The following NCKAP5 variants were observed in gnomAD, a reference collection of about 807,000 sequenced individuals.
NCKAP5 encodes the protein NCK associated protein 5.
Under a neutral mutation model 167.0 loss-of-function variants are expected in NCKAP5, and 92 were observed. The ratio of observed to expected loss-of-function variants is 0.55; its 90% CI spans 0.47 to 0.66. The LOEUF (loss-of-function observed/expected upper bound fraction) is 0.66. Among genes scored for constraint, NCKAP5 ranks in the 30% least tolerant of loss-of-function variants. NCKAP5 has a pLI of 0.00. For missense variants in NCKAP5, 2,378 were observed against 2,315.0 expected (o/e 1.03, Z -0.56); for synonymous variants, 891 against 877.4 (o/e 1.02, Z -0.27).
At chr2:133,022,374 G>A (rs1437993499) in intron 6 of NCKAP5, among the ~76,000 whole-genome samples, 1 of 152,206 alleles carries the variant, frequency 6.6e-6, no homozygotes, top group Admixed American at 6.5e-5. Context: ...CTTGAGAGCA[G>A]GAAATGCCAT....
At chr2:133,106,198 A>C (rs6746258) in intron 6 of NCKAP5, among the ~76,000 whole-genome samples, 6,679 of 120,448 alleles carry the variant, frequency 0.055, 299 homozygotes, top group East Asian at 0.21. Context: ...GAGGCTGAGG[A>C]AGGACAATGG....
intron 5 of NCKAP5, among the ~76,000 whole-genome samples, chr2:133,168,318 G>A (rs866714623): frequency 4.3e-5 from 6 of 140,918 alleles, no homozygotes; most frequent in African/African-American, 1.3e-4. Flanking sequence ...GATGTTGCCT[G>A]AATCTCACTT....
chr2:132,684,828 A>C (rs1685720615), intron 19 of NCKAP5, among the ~76,000 whole-genome samples: 1 of 152,174 alleles, frequency 6.6e-6, no homozygotes, highest in Admixed American at 6.5e-5. Flanking sequence ...GACCAGAGGG[A>C]GAGGGCACTG....
chr2:132,963,637 T>C (rs2076581205), intron 8 of NCKAP5, 83 bp downstream of exon 8: 2 of 1,379,106 alleles, frequency 1.5e-6, no homozygotes, highest in Admixed American at 3.8e-5. Flanking sequence ...GGAAGATTTA[T>C]ACTCACTCAA....
intron 17 of NCKAP5, 123 bp from the exon 18 acceptor site, chr2:132,729,075 G>T: frequency 2.3e-6 from 3 of 1,299,570 alleles, no homozygotes; most frequent in East Asian, 4.6e-5. Context: ...TGAAAGCTGG[G>T]CTTCCTGCCA....
the NCKAP5 span, among the ~76,000 whole-genome samples, chr2:133,658,486 T>C: frequency 6.6e-6 from 1 of 152,096 alleles, no homozygotes; most frequent in Non-Finnish European, 1.5e-5. Flanking sequence ...AATATCAGGG[T>C]GGAAAGATTG....
chr2:132,952,053 A>G (rs2076205043), intron 8 of NCKAP5, among the ~76,000 whole-genome samples: 1 of 152,208 alleles, frequency 6.6e-6, no homozygotes, highest in African/African-American at 2.4e-5. Context: ...TAACTAAGCA[A>G]ACTGAATCCT....
chr2:133,536,049 ATGCATAGCT>A (rs1685741079), intron 2 of NCKAP5, among the ~76,000 whole-genome samples: 1 of 152,144 alleles, frequency 6.6e-6, no homozygotes, highest in African/African-American at 2.4e-5. Context: ...CCTTTGTCAG[ATGCATAGCT>A]TGCAAATATT....
chr2:132,996,295 C>T (rs1015636932), intron 6 of NCKAP5, among the ~76,000 whole-genome samples: 1 of 152,210 alleles, frequency 6.6e-6, no homozygotes, highest in Non-Finnish European at 1.5e-5. Context: ...CCTCTTTATA[C>T]ACATGTGTAT....
intron 3 of NCKAP5, among the ~76,000 whole-genome samples, chr2:133,353,230 C>T (rs1684484668): frequency 6.6e-6 from 1 of 152,162 alleles, no homozygotes; most frequent in African/African-American, 2.4e-5. Flanking sequence ...GCTAGTGTCA[C>T]CAAAAGGCAT....
At chr2:133,348,602 T>C (rs1373602358) in intron 3 of NCKAP5, among the ~76,000 whole-genome samples, 13 of 152,064 alleles carry the variant, frequency 8.5e-5, no homozygotes, top group South Asian at 2.1e-4. Flanking sequence ...ATACTACAAT[T>C]TATATGCTAT....
At chr2:133,612,422 C>G in the NCKAP5 span, among the ~76,000 whole-genome samples, 4 of 152,140 alleles carry the variant, frequency 2.6e-5, no homozygotes, top group Non-Finnish European at 4.4e-5. Context: ...GATTTTCAAT[C>G]TCAAATACAC....
At chr2:132,715,645 C>T (rs879266075) in intron 19 of NCKAP5, among the ~76,000 whole-genome samples, 4 of 152,218 alleles carry the variant, frequency 2.6e-5, no homozygotes, top group East Asian at 1.9e-4. Flanking sequence ...GTAGCAGCCT[C>T]GAATAATCTG....
intron 8 of NCKAP5, among the ~76,000 whole-genome samples, chr2:132,911,775 C>A (rs1694471872): frequency 6.6e-6 from 1 of 152,224 alleles, no homozygotes; most frequent in South Asian, 2.1e-4. Flanking sequence ...ACGGAGAATT[C>A]TCTCTGCAGC....
At chr2:132,724,039 C>T (rs1408153046) in intron 19 of NCKAP5, among the ~76,000 whole-genome samples, 1 of 152,186 alleles carries the variant, frequency 6.6e-6, no homozygotes, top group Non-Finnish European at 1.5e-5. Flanking sequence ...TCCTGCTACT[C>T]CTGGGCTCCA....
intron 16 of NCKAP5, among the ~76,000 whole-genome samples, chr2:132,755,243 C>T (rs1012527816): frequency 6.6e-6 from 1 of 152,202 alleles, no homozygotes; most frequent in African/African-American, 2.4e-5. Context: ...TGAGATATTG[C>T]ATGTGCCTGG....
chr2:133,290,728 C>CT (rs58758295), intron 4 of NCKAP5, among the ~76,000 whole-genome samples: 64,815 of 90,850 alleles, frequency 0.71, 22,087 homozygotes, highest in East Asian at 0.85. Context: ...AGAATTTCTC[C>CT]TTTTTTTTTT....
At chr2:133,457,391 CTT>C (rs1691928361) in intron 3 of NCKAP5, among the ~76,000 whole-genome samples, 1 of 152,252 alleles carries the variant, frequency 6.6e-6, no homozygotes, top group Non-Finnish European at 1.5e-5. Context: ...ACTGAGAACT[CTT>C]TCTCATTTGA....
intron 4 of NCKAP5, among the ~76,000 whole-genome samples, chr2:133,236,736 C>G (rs1265106700): frequency 6.6e-6 from 1 of 152,212 alleles, no homozygotes; most frequent in Non-Finnish European, 1.5e-5. Context: ...TAGAAAGTCA[C>G]AGCCTTTTAT....
Sources: gnomAD v4.1 joint callset for allele counts (sites outside exome capture counted in the v4.1 genomes callset) on GRCh38, gnomAD v4.1.1 for gene constraint, MANE v1.5 for transcripts, NCBI Gene and HGNC (gene_info 2026-07-23, HGNC 2026-07-21) for gene names.